ZSCAN21: variants seen among roughly 807,000 people sequenced by gnomAD.
ZSCAN21 encodes the protein zinc finger and SCAN domain containing 21.
ZSCAN21 carries 26 observed loss-of-function variants against 35.6 expected under a neutral mutation model. The ratio of observed to expected loss-of-function variants is 0.73; its 90% CI spans 0.54 to 1.01. The LOEUF is 1.01. Among genes scored for constraint, ZSCAN21 ranks in the 50% least tolerant of loss-of-function variants. ZSCAN21 has a pLI of 0.00. For missense variants in ZSCAN21, 593 were observed against 587.1 expected (o/e 1.01, Z -0.10); for synonymous variants, 219 against 219.3 (o/e 1.00, Z 0.01).
chr7:100,051,746 G>A (rs1328144896), intron 1 of ZSCAN21: 1 of 151,974 alleles, frequency 6.6e-6, no homozygotes. Context: ...GGGCATATAA[G>A]CTGTGGGAGA....
chr7:100,050,110 G>C (rs1171919580), intron 1 of ZSCAN21, among the ~76,000 whole-genome samples: 1 of 152,200 alleles, frequency 6.6e-6, no homozygotes, highest in African/African-American at 2.4e-5. Flanking sequence ...TCGCGTTCCA[G>C]AATAGTTTTT....
At chr7:100,062,522 G>C (rs549185064) in intron 3 of ZSCAN21, among the ~76,000 whole-genome samples, 2 of 151,456 alleles carry the variant, frequency 1.3e-5, no homozygotes, top group South Asian at 4.2e-4. Flanking sequence ...TTGAACCTGG[G>C]AGGCAGAGGT....
rs753507645 is a variant in ZSCAN21 at position 100,057,031 on chromosome 7, G to T, written c.25G>T (p.Ala9Ser). ...CATGATGACCAAGGTACTAGGCATG[G>T]CCCCAGTTCTGGGCCCTAGGCCTCC... MMTKVLGMAPVLGPRPPQE... is the reference protein window; with the variant it reads MMTKVLGMSPVLGPRPPQE... Residue 9 changes from alanine to serine, a missense_variant, in exon 2 of 4, where the codon GCC (alanine) becomes TCC (serine). Coordinates refer to ENST00000292450, the MANE Select transcript of ZSCAN21 (RefSeq NM_145914.3). 5.6e-6 allele frequency: 9 copies of T among 1,612,246 alleles called. No homozygotes were observed. Among genetic ancestry groups the T allele is most frequent in the Middle Eastern group, 1.7e-4 (1 of 6,008 alleles).
At position 100,057,715 on chromosome 7, in the gene ZSCAN21, C is replaced by T. The variant is rs1003653279; in HGVS notation, c.417C>T (p.Asn139=). The T allele has an allele frequency of 4.3e-6, 7 of 1,611,244 alleles. No homozygotes were observed. Among genetic ancestry groups the T allele is most frequent in the East Asian group, 4.5e-5 (2 of 44,880 alleles). Residue 139 remains asparagine, a synonymous_variant, in exon 3 of 4, where the codon AAC becomes AAT. Coordinates refer to ENST00000292450, the MANE Select transcript of ZSCAN21 (RefSeq NM_145914.3). ...EPGHQVSTPP[N]EQKPVWEKIS... ...GTCTCTAGGTCTCAACTCCTCCAAA[C>T]GAACAGAAACCGGTGTGGGAGAAGA...
chr7:100,052,686 T>G (rs1389162168), intron 1 of ZSCAN21, among the ~76,000 whole-genome samples: 1 of 151,956 alleles, frequency 6.6e-6, no homozygotes, highest in Non-Finnish European at 1.5e-5. Flanking sequence ...GAGATACAGT[T>G]TGGGCAGTTG....
At position 100,057,184 on chromosome 7, in the gene ZSCAN21, C is replaced by G. The variant is rs747883825; in HGVS notation, c.178C>G (p.Arg60Gly). ...TGGGTACCATGATACCCCTGGACCC[C>G]GAGAGGCCCTGAGCCAACTCCGGGT... ...QFGYHDTPGP[R>G]EALSQLRVLC... The change falls in exon 2 of 4, where the codon CGA becomes GGA. Residue 60 changes from arginine (R) to glycine (G), a missense_variant. By Grantham distance (125) the Arg-to-Gly change is moderately radical (BLOSUM62 -2). Coordinates refer to ENST00000292450, the MANE Select transcript of ZSCAN21 (RefSeq NM_145914.3). 3 of 1,613,766 alleles carry G rather than the reference C, an allele frequency of 1.9e-6. No homozygotes were observed. Among genetic ancestry groups the G allele is most frequent in the Admixed American group, 3.3e-5 (2 of 59,988 alleles).
rs752271844 is a variant in ZSCAN21, at chr7:100,057,453, T to G, written c.399+48T>G. The G allele has an allele frequency of 2.0e-6, 3 of 1,505,280 alleles. No individual in the cohort carries two copies. In the South Asian group the frequency reaches 4.0e-5, roughly 20 times the overall value. The allele number at this position is 1,505,280 out of a possible 1,614,324, so 93.2% of individuals were successfully genotyped here. A position where few individuals can be genotyped will look rare whatever the true frequency, so the allele number is the denominator to read the frequency against. ...ATTCTAGGAGATTGGGAGCGTAACA[T>G]TCTAGGCAGGAACAAGGGTTTGTCC... On this transcript the variant is annotated intron_variant, in intron 2 of 3. Transcript: ENST00000292450.
chr7:100,053,962 C>T (rs1456333762), intron 1 of ZSCAN21, among the ~76,000 whole-genome samples: 3 of 152,006 alleles, frequency 2.0e-5, no homozygotes, highest in Non-Finnish European at 4.4e-5. Flanking sequence ...CCTGCCTTGG[C>T]CTCCAGAAGT....
chr7:100,051,282 C>CTTTTTTTTTTTTTTTTTTTTTTTTTTTT lies in ZSCAN21; in HGVS notation c.-97+1443_-97+1470dup, dbSNP rs1164734568. On this transcript the variant is annotated intron_variant, in intron 1 of 3. Transcript: ENST00000292450. ...GGCTGCCTAGGGATCTAGGGATTTTCTTTTTTTTTTTTTTTTTTTTTTTTT... is the reference window on the plus strand; with the variant it reads ...GGCTGCCTAGGGATCTAGGGATTTTCTTTTTTTTTTTTTTTTTTTTTTTTTTTTTTTTTTTTTTTTTTTTTTTTTTTTT... 5.7e-4 allele frequency among the ~76,000 whole-genome samples: 20 copies of CTTTTTTTTTTTTTTTTTTTTTTTTTTTT among 34,964 alleles called. 8 individuals are homozygous for CTTTTTTTTTTTTTTTTTTTTTTTTTTTT. The highest frequency in any genetic ancestry group is 9.3e-4 in the Non-Finnish European group (18 of 19,314). 22.9% of individuals were successfully genotyped at this position (34,964 alleles called of 152,430 possible).
chr7:100,056,304 A>C (rs1377220409), intron 1 of ZSCAN21, among the ~76,000 whole-genome samples: 1 of 152,194 alleles, frequency 6.6e-6, no homozygotes, highest in Non-Finnish European at 1.5e-5. Flanking sequence ...GCATCTAGCC[A>C]GTAGATAGCT....
At chr7:100,056,671 C>T (rs1792084655) in intron 1 of ZSCAN21, among the ~76,000 whole-genome samples, 1 of 152,094 alleles carries the variant, frequency 6.6e-6, no homozygotes, top group Non-Finnish European at 1.5e-5. Flanking sequence ...ACCATGTTGG[C>T]CAGGCTGGTC....
chr7:100,059,715 G>A (rs1410743694), intron 3 of ZSCAN21, among the ~76,000 whole-genome samples: 1 of 151,846 alleles, frequency 6.6e-6, no homozygotes, highest in Non-Finnish European at 1.5e-5. Context: ...ACCACGCCCA[G>A]CTCTTTTTAA....
At chr7:100,056,802 A>T in intron 1 of ZSCAN21, 109 bp from the exon 2 acceptor site, 1 of 524,218 alleles carries the variant, frequency 1.9e-6, no homozygotes, top group Non-Finnish European at 3.3e-6. Flanking sequence ...TTTGTATGGT[A>T]GTTTTATGGT....
chr7:100,064,076 A>C lies in ZSCAN21; in HGVS notation c.881A>C (p.Lys294Thr). Residue 294 changes from lysine to threonine, a missense_variant, in exon 4 of 4, where the codon AAA becomes ACA. By Grantham distance (78) the Lys-to-Thr change is moderately conservative. Transcript: ENST00000292450. ...TTTAGTAATAGCTCAAATCTCACCA[A>C]ACACAGGAGAACACACACTGGGGAG... ...KAFSNSSNLTKHRRTHTGEKP... is the reference protein window; with the variant it reads ...KAFSNSSNLTTHRRTHTGEKP... 2 of 1,614,146 alleles carry C rather than the reference A, an allele frequency of 1.2e-6. No homozygotes were observed. Among genetic ancestry groups the C allele is most frequent in the Non-Finnish European group, 1.7e-6 (2 of 1,180,040 alleles).
rs1174428035 is a variant in ZSCAN21 at position 100,064,488 on chromosome 7, C to G, written c.1293C>G (p.Phe431Leu). The part of the protein sequence containing the change: ...CGKAFNHSSN[F>L]NKHHRIHTGE... ...AAGCCTTCAACCACAGCTCCAACTT[C>G]AATAAACACCACAGAATCCACACCG... The change falls in exon 4 of 4, where the codon TTC becomes TTG. Residue 431 changes from phenylalanine (F) to leucine (L), a missense_variant. By Grantham distance (22) the Phe-to-Leu change is conservative. Transcript: ENST00000292450. The G allele has an allele frequency of 1.9e-6, 3 of 1,613,962 alleles. No homozygotes were observed. Among genetic ancestry groups the G allele is most frequent in the Non-Finnish European group, 2.5e-6 (3 of 1,179,982 alleles).
At chr7:100,062,089 G>C (rs1792322296) in intron 3 of ZSCAN21, among the ~76,000 whole-genome samples, 1 of 152,168 alleles carries the variant, frequency 6.6e-6, no homozygotes, top group Non-Finnish European at 1.5e-5. Context: ...GATTGATACG[G>C]ATCTGGGGCG....
intron 3 of ZSCAN21, among the ~76,000 whole-genome samples, chr7:100,063,586 C>T (rs568443347): frequency 6.6e-6 from 1 of 151,734 alleles, no homozygotes; most frequent in Admixed American, 6.6e-5. Flanking sequence ...GACAGCGAGA[C>T]TCCATCTCAA....
Position 100,057,692 on chromosome 7 carries a change from C to G in ZSCAN21, c.400-6C>G. The stretch of plus-strand genomic sequence containing the variant: ...CACAAACCTAGCCATTCCTGATTGT[C>G]TCTAGGTCTCAACTCCTCCAAACGA... On this transcript the variant is annotated splice_polypyrimidine_tract_variant and splice_region_variant and intron_variant, in intron 2 of 3. Coordinates refer to ENST00000292450, the MANE Select transcript of ZSCAN21 (RefSeq NM_145914.3). 2 of 1,604,062 alleles carry G rather than the reference C, an allele frequency of 1.2e-6. No individual in the cohort carries two copies. The highest frequency in any genetic ancestry group is 1.7e-6 in the Non-Finnish European group (2 of 1,175,100).
intron 1 of ZSCAN21, among the ~76,000 whole-genome samples, chr7:100,054,838 CAAAAAAAA>C (rs375324113): frequency 1.6e-5 from 1 of 63,038 alleles, no homozygotes; most frequent in African/African-American, 6.8e-5. Context: ...GACGCTGTCT[CAAAAAAAA>C]AAAAAAAAAA....
Sources: gnomAD v4.1 joint callset for allele counts (sites outside exome capture counted in the v4.1 genomes callset) on GRCh38, gnomAD v4.1.1 for gene constraint, MANE v1.5 for transcripts, NCBI Gene and HGNC (gene_info 2026-07-23, HGNC 2026-07-21) for gene names.